The following CALCRL variants were observed in gnomAD, a reference collection of about 807,000 sequenced individuals.
CALCRL encodes calcitonin gene-related peptide type 1 receptor.
In CALCRL, 27 loss-of-function variants were observed where a neutral mutation model predicts 60.4. The observed-to-expected ratio is 0.45, with a 90% CI of 0.33 to 0.62. The LOEUF (loss-of-function observed/expected upper bound fraction) is 0.62, where lower values mean the gene tolerates loss of function less well. Among genes scored for constraint, CALCRL ranks in the 20% least tolerant of loss-of-function variants. CALCRL has a pLI of 0.03. For missense variants in CALCRL, 424 were observed against 540.7 expected (o/e 0.78, Z 2.14); for synonymous variants, 190 against 182.6 (o/e 1.04, Z -0.33).
At chr2:187,411,805 G>A (rs572987165) in intron 1 of CALCRL, among the ~76,000 whole-genome samples, 5 of 151,716 alleles carry the variant, frequency 3.3e-5, no homozygotes, top group South Asian at 4.2e-4. Flanking sequence ...GACCAGCCTG[G>A]CCAATATGGT....
chr2:187,359,153 T>C (rs769824160), intron 11 of CALCRL, 24 bp from the exon 12 acceptor site: 25 of 1,606,250 alleles, frequency 1.6e-5, no homozygotes, highest in Admixed American at 5.0e-5. Context: ...AATAACATTA[T>C]GTTGAAAATT....
intron 1 of CALCRL, among the ~76,000 whole-genome samples, chr2:187,393,417 A>G (rs1268393987): frequency 2.0e-5 from 3 of 152,190 alleles, no homozygotes; most frequent in African/African-American, 4.8e-5. Context: ...GCAACTATAA[A>G]GTATAAATCA....
rs1286832300 is a variant in CALCRL at position 187,385,580 on chromosome 2, T to C, written c.16A>G (p.Thr6Ala). 1.3e-6 allele frequency: 2 copies of C among 1,565,446 alleles called. No individual in the cohort carries two copies. Among genetic ancestry groups the C allele is most frequent in the South Asian group, 1.1e-5 (1 of 87,514 alleles). MEKKC[T>A]LYFLVLLPFF... ...GGCAAGAGAACCAGAAAATACAGGG[T>C]ACACTTTTTCTCCATCATTAAGCCA... is the stretch of plus-strand genomic sequence containing the variant. The change falls in exon 4 of 15, where the codon ACC (threonine) becomes GCC (alanine). Residue 6 changes from threonine to alanine, a missense_variant. Thr to Ala is a moderately conservative substitution (Grantham distance 58). This residue lies in a region of CALCRL where 108 missense variants were observed against 132.9 expected (regional missense o/e 0.81). Coordinates refer to ENST00000392370, the MANE Select transcript of CALCRL (RefSeq NM_005795.6).
intron 13 of CALCRL, 29 bp downstream of exon 13, chr2:187,352,085 A>T: frequency 6.3e-7 from 1 of 1,598,220 alleles, no homozygotes; most frequent in Non-Finnish European, 8.6e-7. Context: ...CAAACTTCTC[A>T]AGCTGCCTTC....
At chr2:187,383,684 C>T (rs188369718) in intron 4 of CALCRL, among the ~76,000 whole-genome samples, 33 of 152,048 alleles carry the variant, frequency 2.2e-4, no homozygotes, top group African/African-American at 7.5e-4. Flanking sequence ...ATTGTCTGTC[C>T]CCTCCCCCAA....
In CALCRL at chr2:187,420,405, G is replaced by T. The variant is rs1457240146; in HGVS notation, c.-293+27634C>A. On this transcript the variant is annotated intron_variant, in intron 1 of 14. Coordinates refer to ENST00000392370, the MANE Select transcript of CALCRL (RefSeq NM_005795.6). The stretch of plus-strand genomic sequence containing the variant: ...AACATTATGATAAAGCTCATCGAAG[G>T]TATAACTTATATAGGCTAATAGTTA... Among the ~76,000 whole-genome samples the T allele has an allele frequency of 2.0e-5, 3 of 151,324 alleles. No individual in the cohort carries two copies. The East Asian group carries it at 5.8e-4, about 29-fold the overall frequency.
At chr2:187,406,025 G>A (rs922967574) in intron 1 of CALCRL, among the ~76,000 whole-genome samples, 3 of 148,286 alleles carry the variant, frequency 2.0e-5, no homozygotes, top group Admixed American at 6.8e-5. Flanking sequence ...TAACCATTTG[G>A]GACAAACCAA....
rs534230400 is a variant in CALCRL, at chr2:187,429,034, T to A, written c.-293+19005A>T. ...AATTTAAATGCAAAAATTGATCTAT[T>A]AAATGATTAGAAATTTATAAGTTAA... On this transcript the variant is annotated intron_variant, in intron 1 of 14. Transcript: ENST00000392370. 5.9e-5 allele frequency: 9 copies of A among 152,220 alleles called. No homozygotes were observed. In the East Asian group the frequency reaches 1.3e-3, roughly 23 times the overall value. The allele number at this position is 152,220 out of a possible 1,614,324, so 9.4% of individuals were successfully genotyped here.
At chr2:187,368,501 T>G (rs1429473006) in intron 8 of CALCRL, among the ~76,000 whole-genome samples, 1 of 152,128 alleles carries the variant, frequency 6.6e-6, no homozygotes, top group Non-Finnish European at 1.5e-5. Context: ...GGAAATTTCA[T>G]TCTTTCTATA....
intron 1 of CALCRL, among the ~76,000 whole-genome samples, chr2:187,409,788 C>T (rs988482058): frequency 7.2e-5 from 11 of 152,166 alleles, no homozygotes; most frequent in Non-Finnish European, 2.9e-5. Flanking sequence ...GTATTTTACT[C>T]ACTTGATATC....
chr2:187,385,600 A>G lies in CALCRL; in HGVS notation c.-5T>C. The stretch of plus-strand genomic sequence containing the variant: ...CAGGGTACACTTTTTCTCCATCATT[A>G]AGCCAAAATGAAATATGCTGTATAA... On this transcript the variant is annotated 5_prime_UTR_variant, in exon 4 of 15. Coordinates refer to ENST00000392370, the MANE Select transcript of CALCRL (RefSeq NM_005795.6). 1 of 1,561,292 alleles carries G rather than the reference A, an allele frequency of 6.4e-7. No individual in the cohort carries two copies. Among genetic ancestry groups the G allele is most frequent in the Non-Finnish European group, 8.8e-7 (1 of 1,142,432 alleles).
At chr2:187,402,008 G>A (rs1688909420) in intron 1 of CALCRL, among the ~76,000 whole-genome samples, 1 of 150,858 alleles carries the variant, frequency 6.6e-6, no homozygotes. Context: ...AGGAAGGAAG[G>A]CAGGAAGGAA....
At chr2:187,427,979 T>C (rs1690222675) in intron 1 of CALCRL, among the ~76,000 whole-genome samples, 1 of 151,740 alleles carries the variant, frequency 6.6e-6, no homozygotes, top group South Asian at 2.1e-4. Flanking sequence ...AAGTCTACTG[T>C]CTGTGTGAGT....
intron 1 of CALCRL, among the ~76,000 whole-genome samples, chr2:187,436,878 G>C (rs759131721): frequency 4.6e-5 from 7 of 151,864 alleles, no homozygotes; most frequent in South Asian, 4.2e-4. Context: ...TTTATTCTAT[G>C]TGCTCCCCTT....
intron 1 of CALCRL, among the ~76,000 whole-genome samples, chr2:187,423,690 C>A (rs1689994374): frequency 6.6e-6 from 1 of 152,028 alleles, no homozygotes; most frequent in African/African-American, 2.4e-5. Flanking sequence ...TTTTCTGGAT[C>A]ATTTATTGGC....
intron 8 of CALCRL, among the ~76,000 whole-genome samples, chr2:187,375,615 TA>T (rs1162152582): frequency 6.6e-6 from 1 of 152,140 alleles, no homozygotes; most frequent in African/African-American, 2.4e-5. Context: ...ATCTTTATTT[TA>T]AAAAATATTA....
Position 187,344,613 on chromosome 2 carries a change from CA to C in CALCRL, c.*1570del, listed in dbSNP as rs1240684869. ...TCTATCTTTATTTAATAAAGTCTGA[CA>C]ATAATTCAGTAAGATCTGACAATAA... On this transcript the variant is annotated 3_prime_UTR_variant, in exon 15 of 15. Transcript: ENST00000392370. 6.6e-6 allele frequency: 1 copy of C among 151,556 alleles called. No individual in the cohort carries two copies. Among genetic ancestry groups the C allele is most frequent in the Non-Finnish European group, 1.5e-5 (1 of 67,668 alleles). The allele number at this position is 151,556 out of a possible 1,614,324, so 9.4% of individuals were successfully genotyped here.
At chr2:187,402,031 A>C (rs1442122811) in intron 1 of CALCRL, among the ~76,000 whole-genome samples, 1 of 151,500 alleles carries the variant, frequency 6.6e-6, no homozygotes, top group Non-Finnish European at 1.5e-5. Flanking sequence ...AGAGAAATCA[A>C]TATGTGTATC....
At chr2:187,373,406 ATTTAC>A (rs1687617328) in intron 8 of CALCRL, among the ~76,000 whole-genome samples, 1 of 152,156 alleles carries the variant, frequency 6.6e-6, no homozygotes, top group Non-Finnish European at 1.5e-5. Context: ...CTTTTGACTG[ATTTAC>A]TTAACCATAG....
Sources: gnomAD v4.1 joint callset for allele counts (sites outside exome capture counted in the v4.1 genomes callset) on GRCh38, gnomAD v4.1.1 for gene constraint, gnomAD v4.1.1 regional missense constraint, MANE v1.5 for transcripts, NCBI Gene and HGNC (gene_info 2026-07-23, HGNC 2026-07-21) for gene names.